Variants in HOMER1 observed in about 807,000 individuals in gnomAD.
HOMER1 encodes homer protein homolog 1.
In HOMER1, 3 loss-of-function variants were observed where a neutral mutation model predicts 48.9. The ratio of observed to expected loss-of-function variants is 0.06; its 90% CI spans 0.03 to 0.16. The LOEUF is 0.16. Among genes scored for constraint, HOMER1 ranks in the 10% least tolerant of loss-of-function variants. The pLI is 1.00. For missense variants in HOMER1, 247 were observed against 411.4 expected (o/e 0.60, Z 3.46); for synonymous variants, 134 against 146.4 (o/e 0.92, Z 0.61).
At chr5:79,431,710 C>T (rs1008816848) in intron 5 of HOMER1, among the ~76,000 whole-genome samples, 1 of 152,100 alleles carries the variant, frequency 6.6e-6, no homozygotes, top group Non-Finnish European at 1.5e-5. Flanking sequence ...AATATACGGC[C>T]AAGCTAAACT....
intron 1 of HOMER1, among the ~76,000 whole-genome samples, chr5:79,470,792 A>G (rs1210875903): frequency 6.6e-6 from 1 of 152,216 alleles, no homozygotes; most frequent in Non-Finnish European, 1.5e-5. Flanking sequence ...AGCAATGCAT[A>G]TCAAAAGCCA....
At chr5:79,489,489 G>A (rs140849342) in intron 1 of HOMER1, among the ~76,000 whole-genome samples, 3,197 of 152,040 alleles carry the variant, frequency 0.021, 104 homozygotes, top group African/African-American at 0.072. Context: ...CCCAGGAGGC[G>A]GAGGTTGCAG....
intron 3 of HOMER1, among the ~76,000 whole-genome samples, chr5:79,447,581 T>C (rs892959226): frequency 6.6e-6 from 1 of 152,198 alleles, no homozygotes; most frequent in Non-Finnish European, 1.5e-5. Flanking sequence ...TACTAAAATA[T>C]AAACTCTCTT....
chr5:79,398,242 G>A (rs1749440577), intron 6 of HOMER1, among the ~76,000 whole-genome samples: 2 of 151,922 alleles, frequency 1.3e-5, no homozygotes, highest in Non-Finnish European at 2.9e-5. Flanking sequence ...AGAACAGAGA[G>A]GGGCACTGTC....
intron 5 of HOMER1, among the ~76,000 whole-genome samples, chr5:79,420,553 T>C (rs1421561915): frequency 6.6e-6 from 1 of 152,228 alleles, no homozygotes; most frequent in Non-Finnish European, 1.5e-5. Flanking sequence ...TATATAGTTA[T>C]GCAATTATTT....
chr5:79,423,343 T>C (rs1214315188), intron 5 of HOMER1, among the ~76,000 whole-genome samples: 1 of 152,164 alleles, frequency 6.6e-6, no homozygotes, highest in Non-Finnish European at 1.5e-5. Context: ...GCTATTAGCA[T>C]TGTAGTTCAG....
At position 79,438,927 on chromosome 5, in the gene HOMER1, CTTG is replaced by C; in HGVS notation, c.527+80_527+82del. 3 of 1,125,916 alleles carry C rather than the reference CTTG, an allele frequency of 2.7e-6. No individual in the cohort carries two copies. The East Asian group carries it at 8.2e-5, about 31-fold the overall frequency. The allele number at this position is 1,125,916 out of a possible 1,614,324, so 69.7% of individuals were successfully genotyped here. On this transcript the variant is annotated intron_variant, in intron 5 of 8. Transcript: ENST00000334082. ...GTCAACCTGGAGTTTTCACTCAAAG[CTTG>C]TAACTACAAGGGTTCCTGAAACCAA...
chr5:79,505,314 AG>A (rs1752717416), intron 1 of HOMER1, among the ~76,000 whole-genome samples: 1 of 152,078 alleles, frequency 6.6e-6, no homozygotes, highest in Non-Finnish European at 1.5e-5. Context: ...TTCTATGGAA[AG>A]GGGGGGAATC....
intron 5 of HOMER1, among the ~76,000 whole-genome samples, chr5:79,432,850 AT>A (rs937709781): frequency 6.6e-6 from 1 of 152,096 alleles, no homozygotes; most frequent in African/African-American, 2.4e-5. Flanking sequence ...TAGTAAAAAA[AT>A]TCTGACATCT....
chr5:79,512,821 G>C lies in HOMER1; in HGVS notation c.-47C>G, dbSNP rs1037182197. 1 of 1,603,962 alleles carries C rather than the reference G, an allele frequency of 6.2e-7. No homozygotes were observed. ...CTGAAGTTTCAGCTCTTATGCTACG[G>C]AATAACTTCCAAAGGAATTTCTCCG... is the stretch of plus-strand genomic sequence containing the variant. On this transcript the variant is annotated 5_prime_UTR_variant, in exon 1 of 9. Coordinates refer to ENST00000334082, the MANE Select transcript of HOMER1 (RefSeq NM_004272.5).
chr5:79,462,831 A>G (rs557578256), intron 1 of HOMER1, among the ~76,000 whole-genome samples: 41 of 152,324 alleles, frequency 2.7e-4, no homozygotes, highest in African/African-American at 9.4e-4. Context: ...TCATCCCAAG[A>G]GAGTGCAAAG....
chr5:79,512,145 G>C (rs773019424), intron 1 of HOMER1, among the ~76,000 whole-genome samples: 1 of 152,130 alleles, frequency 6.6e-6, no homozygotes, highest in Admixed American at 6.5e-5. Flanking sequence ...AAAAACAAAA[G>C]GAGTGAACAA....
At chr5:79,385,616 T>C (rs1296371905) in intron 8 of HOMER1, among the ~76,000 whole-genome samples, 1 of 151,890 alleles carries the variant, frequency 6.6e-6, no homozygotes, top group Non-Finnish European at 1.5e-5. Context: ...CTGAGGCAGG[T>C]GGATCACCTA....
chr5:79,473,953 C>T (rs1018253565), intron 1 of HOMER1, among the ~76,000 whole-genome samples: 5 of 152,186 alleles, frequency 3.3e-5, no homozygotes, highest in Admixed American at 6.5e-5. Flanking sequence ...TGTATTTACT[C>T]TTTTCTGTTA....
chr5:79,390,558 A>G (rs1026449345), intron 8 of HOMER1, among the ~76,000 whole-genome samples: 3 of 152,224 alleles, frequency 2.0e-5, no homozygotes, highest in African/African-American at 4.8e-5. Flanking sequence ...CATAAAAATC[A>G]TATCAATAAA....
chr5:79,510,426 G>A, intron 1 of HOMER1: 7 of 663,832 alleles, frequency 1.1e-5, no homozygotes, highest in Non-Finnish European at 2.0e-5. Flanking sequence ...GCGCCTTAAG[G>A]TGCAGACATG....
intron 3 of HOMER1, among the ~76,000 whole-genome samples, chr5:79,448,632 T>C (rs1216961080): frequency 6.6e-6 from 1 of 152,228 alleles, no homozygotes. Context: ...TGTTTTGACT[T>C]ACTCATGGCT....
chr5:79,391,142 G>T (rs2404147), intron 8 of HOMER1, among the ~76,000 whole-genome samples: 67,854 of 140,864 alleles, frequency 0.48, 18,357 homozygotes, highest in African/African-American at 0.76. Context: ...TTTTTTTTTT[G>T]TTTTTTTTTT....
chr5:79,496,651 A>G (rs1357389177), intron 1 of HOMER1, among the ~76,000 whole-genome samples: 1 of 152,176 alleles, frequency 6.6e-6, no homozygotes, highest in Non-Finnish European at 1.5e-5. Context: ...AAAGCTTTTA[A>G]TCACCTTTTT....
Sources: allele counts gnomAD v4.1 joint callset (sites outside exome capture counted in the v4.1 genomes callset), GRCh38; gene constraint gnomAD v4.1.1; transcripts MANE v1.5; gene names NCBI Gene and HGNC (gene_info 2026-07-23, HGNC 2026-07-21).